The following SH3TC2 variants were observed in gnomAD, a reference collection of about 807,000 sequenced individuals.
The protein encoded by SH3TC2 is SH3 domain and tetratricopeptide repeats 2, also known as SH3 domain and tetratricopeptide repeat-containing protein 2.
SH3TC2 carries 87 observed loss-of-function variants against 124.5 expected under a neutral mutation model. The ratio of observed to expected loss-of-function variants is 0.70; its 90% CI spans 0.59 to 0.84. SH3TC2 has a LOEUF of 0.84. Ranked by LOEUF, SH3TC2 falls within the 40% of genes least tolerant of loss-of-function variation. SH3TC2 has a pLI of 0.00. For synonymous variants in SH3TC2, 634 were observed against 628.5 expected (o/e 1.01, Z -0.13); for missense variants, 1,536 against 1,566.4 (o/e 0.98, Z 0.33).
intron 2 of SH3TC2, among the ~76,000 whole-genome samples, chr5:149,050,383 C>T (rs979226723): frequency 2.0e-5 from 3 of 152,304 alleles, no homozygotes; most frequent in Admixed American, 2.0e-4. Context: ...GAGAGGTTGG[C>T]AGCTACAGCC....
intron 14 of SH3TC2, among the ~76,000 whole-genome samples, chr5:149,009,261 G>C (rs1227820152): frequency 1.3e-5 from 2 of 152,212 alleles, no homozygotes; most frequent in Admixed American, 1.3e-4. Context: ...GAGTAGGAAA[G>C]GGAAGCGGCT....
At position 149,009,363 on chromosome 5, in the gene SH3TC2, G is replaced by A. The variant is rs561078936; in HGVS notation, c.3328-362C>T. The stretch of plus-strand genomic sequence containing the variant: ...ATCTATGAAGCACACATGAGTACAC[G>A]CATAGTGTGGGAATATCTCAAAAAG... On this transcript the variant is annotated intron_variant, in intron 14 of 16. Transcript: ENST00000515425. Among the ~76,000 whole-genome samples, 9 of 150,818 alleles carry A rather than the reference G, an allele frequency of 6.0e-5. No homozygotes were observed. The East Asian group carries it at 7.7e-4, about 13-fold the overall frequency.
At chr5:149,017,703 C>T (rs1753898997) in intron 12 of SH3TC2, among the ~76,000 whole-genome samples, 2 of 152,202 alleles carry the variant, frequency 1.3e-5, no homozygotes, top group African/African-American at 4.8e-5. Flanking sequence ...AGGGAACAGA[C>T]TGATGAAAAA....
Position 149,050,804 on chromosome 5 carries a change from C to T in SH3TC2, c.151+1338G>A, listed in dbSNP as rs139074276. 7.5e-3 allele frequency among the ~76,000 whole-genome samples: 1,139 copies of T among 152,218 alleles called. 12 individuals are homozygous for T. The highest frequency in any genetic ancestry group is 0.025 in the African/African-American group (1,047 of 41,522). On this transcript the variant is annotated intron_variant, in intron 2 of 16. Transcript: ENST00000515425. ...AATATCTATTTACGTAGTCTAGATCCTTTAAATATTTATAATCTTTTTCAC... is the reference window on the plus strand; with the variant it reads ...AATATCTATTTACGTAGTCTAGATCTTTTAAATATTTATAATCTTTTTCAC...
intron 5 of SH3TC2, 71 bp from the exon 6 acceptor site, chr5:149,041,688 TA>T: frequency 6.6e-7 from 1 of 1,513,476 alleles, no homozygotes; most frequent in Non-Finnish European, 9.2e-7. Context: ...TCACACAAAG[TA>T]ATGCTTCTAT....
At position 148,992,604 on chromosome 5, in the gene SH3TC2, T is replaced by TGG; in HGVS notation, c.*12106_*12107insCC. Among the ~76,000 whole-genome samples the TGG allele has an allele frequency of 2.0e-5, 1 of 51,262 alleles. No individual in the cohort carries two copies. 33.6% of individuals were successfully genotyped at this position (51,262 alleles called of 152,430 possible). On this transcript the variant is annotated 3_prime_UTR_variant, in exon 17 of 17. Transcript: ENST00000515425. ...TTCCAAGAAGAGATTTCATTGGTTT[T>TGG]TTTTTTTTTTTTTTTTTTCAGATTT... is the stretch of plus-strand genomic sequence containing the variant.
At position 148,991,863 on chromosome 5, in the gene SH3TC2, T is replaced by C. The variant is rs1019905533; in HGVS notation, c.*12848A>G. Among the ~76,000 whole-genome samples the C allele has an allele frequency of 6.6e-6, 1 of 152,130 alleles. No individual in the cohort carries two copies. Among genetic ancestry groups the C allele is most frequent in the South Asian group, 2.1e-4 (1 of 4,814 alleles). On this transcript the variant is annotated 3_prime_UTR_variant, in exon 17 of 17. Transcript: ENST00000515425. Reference sequence around the variant, plus strand: ...TCACATGGGACTTTATCCATGGAGGTGAGCCTCCTCTTGCACTGGAAGCTG... The same window carrying C: ...TCACATGGGACTTTATCCATGGAGGCGAGCCTCCTCTTGCACTGGAAGCTG...
chr5:149,020,445 G>C (rs1473733782), intron 12 of SH3TC2, among the ~76,000 whole-genome samples: 2 of 152,036 alleles, frequency 1.3e-5, no homozygotes, highest in Non-Finnish European at 2.9e-5. Flanking sequence ...TATTAATACA[G>C]AGAAAAAATA....
At chr5:149,016,261 A>G (rs1753871552) in intron 12 of SH3TC2, among the ~76,000 whole-genome samples, 1 of 152,358 alleles carries the variant, frequency 6.6e-6, no homozygotes, top group Admixed American at 6.5e-5. Context: ...TGTTTAAACC[A>G]GGATCTAACT....
Position 149,000,772 on chromosome 5 carries a change from A to C in SH3TC2, c.*3939T>G, listed in dbSNP as rs1280014403. Among the ~76,000 whole-genome samples, 1 of 152,190 alleles carries C rather than the reference A, an allele frequency of 6.6e-6. No homozygotes were observed. The highest frequency in any genetic ancestry group is 2.4e-5 in the African/African-American group (1 of 41,458). On this transcript the variant is annotated 3_prime_UTR_variant, in exon 17 of 17. Transcript: ENST00000515425. Reference sequence around the variant, plus strand: ...TCAAGTACCACTGTCTTTGCCACTAACTACCAATGTGTCTGGGAGAAAGTT... The same window carrying C: ...TCAAGTACCACTGTCTTTGCCACTACCTACCAATGTGTCTGGGAGAAAGTT...
At chr5:149,051,370 C>A (rs1754553980) in intron 2 of SH3TC2, among the ~76,000 whole-genome samples, 1 of 152,190 alleles carries the variant, frequency 6.6e-6, no homozygotes, top group African/African-American at 2.4e-5. Flanking sequence ...TACGCAGAAC[C>A]TACTACATAT....
intron 12 of SH3TC2, among the ~76,000 whole-genome samples, chr5:149,023,409 T>C (rs1754008874): frequency 6.6e-6 from 1 of 152,118 alleles, no homozygotes; most frequent in South Asian, 2.1e-4. Context: ...ATTTAATATC[T>C]AATATTTATT....
In SH3TC2 at chr5:149,012,722, C is replaced by T. The variant is rs775895092; in HGVS notation, c.3066G>A (p.Arg1022=). 6.2e-7 allele frequency: 1 copy of T among 1,614,138 alleles called. No homozygotes were observed. The highest frequency in any genetic ancestry group is 2.2e-5 in the East Asian group (1 of 44,882). The change falls in exon 13 of 17, where the codon AGG becomes AGA. Residue 1022 remains arginine, a synonymous_variant. Transcript: ENST00000515425. ...RNLNTARSLR[R]SLTCIKESLR... is the part of the protein sequence containing the mutation. ...GGCTCTCCTTGATGCATGTGAGTGA[C>T]CTCCTGAGGGACCTGGGGACAGACA...
chr5:149,059,418 T>C (rs1284145310), intron 1 of SH3TC2, among the ~76,000 whole-genome samples: 1 of 152,040 alleles, frequency 6.6e-6, no homozygotes, highest in African/African-American at 2.4e-5. Flanking sequence ...TCTTTGCTCC[T>C]ACCCACCCAC....
At chr5:149,012,476 GGGTGAACATCATCCCTCTCT>G in intron 13 of SH3TC2, 88 bp downstream of exon 13, 2 of 1,415,472 alleles carry the variant, frequency 1.4e-6, no homozygotes, top group Non-Finnish European at 2.0e-6. Context: ...CACAGGCTTA[GGGTGAACATCATCCCTCTCT>G]GGTTCCCCCT....
At chr5:149,053,422 G>C (rs1481546046) in intron 1 of SH3TC2, among the ~76,000 whole-genome samples, 2 of 152,234 alleles carry the variant, frequency 1.3e-5, no homozygotes, top group African/African-American at 4.8e-5. Flanking sequence ...GAAGAATGAA[G>C]TGGATTTCAG....
At chr5:149,049,962 C>T (rs897982563) in intron 2 of SH3TC2, among the ~76,000 whole-genome samples, 1 of 152,176 alleles carries the variant, frequency 6.6e-6, no homozygotes, top group African/African-American at 2.4e-5. Flanking sequence ...GACTATTAAC[C>T]TTGGCAATAA....
At chr5:149,021,884 C>CGAGAAATTGAAGAGGAAGGAATA (rs1355286432) in intron 12 of SH3TC2, among the ~76,000 whole-genome samples, 1 of 32,860 alleles carries the variant, frequency 3.0e-5, no homozygotes, top group Non-Finnish European at 5.5e-5. Context: ...CAAACTCTTT[C>CGAGAAATTGAAGAGGAAGGAATA]TTTTTTTTTT....
At chr5:149,023,559 A>G (rs77441733) in intron 12 of SH3TC2, among the ~76,000 whole-genome samples, 12 of 148,910 alleles carry the variant, frequency 8.1e-5, no homozygotes, top group Non-Finnish European at 7.4e-5. Context: ...TTTTTCACCT[A>G]TAACCTTCAA....
Sources: gnomAD v4.1 joint callset for allele counts (sites outside exome capture counted in the v4.1 genomes callset) on GRCh38, gnomAD v4.1.1 for gene constraint, MANE v1.5 for transcripts, NCBI Gene and HGNC (gene_info 2026-07-23, HGNC 2026-07-21) for gene names.